Variants in DCHS2 observed in about 807,000 individuals in gnomAD.
DCHS2 encodes the protein protocadherin-23.
Under a neutral mutation model 182.4 loss-of-function variants are expected in DCHS2, and 142 were observed. The observed-to-expected ratio is 0.78, with a 90% CI of 0.68 to 0.89. DCHS2 has a LOEUF of 0.89. Ranked by LOEUF, DCHS2 falls within the 40% of genes least tolerant of loss-of-function variation. DCHS2 has a pLI of 0.00. For synonymous variants in DCHS2, 1,740 were observed against 1,663.3 expected, an observed-to-expected ratio of 1.05 and a Z score of -1.12; for missense variants, 4,319 against 4,198.6, an observed-to-expected ratio of 1.03 and a Z score of -0.79.
intron 13 of DCHS2, among the ~76,000 whole-genome samples, chr4:154,274,198 A>T (rs1479776571): frequency 6.6e-6 from 1 of 152,178 alleles, no homozygotes; most frequent in Non-Finnish European, 1.5e-5. Flanking sequence ...TTTCAAGAGA[A>T]GCTCAAAATT....
chr4:154,417,206 A>T (rs6536007), intron 1 of DCHS2, among the ~76,000 whole-genome samples: 654 of 47,466 alleles, frequency 0.014, 1 homozygote, highest in African/African-American at 0.051. Context: ...TGTGTGTGTG[A>T]GAGAGAGAGA....
chr4:154,411,490 G>A (rs556607247), intron 1 of DCHS2, among the ~76,000 whole-genome samples: 3 of 152,006 alleles, frequency 2.0e-5, no homozygotes, highest in African/African-American at 4.8e-5. Context: ...CCAGCTACTC[G>A]GGAGGCTGAG....
At chr4:154,321,954 G>T (rs902867369) in intron 8 of DCHS2, among the ~76,000 whole-genome samples, 1 of 152,038 alleles carries the variant, frequency 6.6e-6, no homozygotes, top group Admixed American at 6.6e-5. Flanking sequence ...AAAAATCTAT[G>T]TCATTTATTA....
chr4:154,486,314 T>C (rs1221264315), intron 1 of DCHS2: 4 of 1,087,700 alleles, frequency 3.7e-6, no homozygotes, highest in Middle Eastern at 2.4e-4. Context: ...GCCAGCACCA[T>C]AGTGCCAGCA....
At chr4:154,365,527 G>C (rs1400360846) in intron 3 of DCHS2, among the ~76,000 whole-genome samples, 1 of 151,900 alleles carries the variant, frequency 6.6e-6, no homozygotes, top group Non-Finnish European at 1.5e-5. Flanking sequence ...CTGGAGGACA[G>C]TGGCCTGATC....
At chr4:154,378,489 G>T (rs1731015730) in intron 1 of DCHS2, among the ~76,000 whole-genome samples, 1 of 126,920 alleles carries the variant, frequency 7.9e-6, no homozygotes, top group Non-Finnish European at 1.7e-5. Flanking sequence ...AGGAAGGAGG[G>T]AGGGAGGGTG....
At chr4:154,383,292 T>A (rs1731252866) in intron 1 of DCHS2, among the ~76,000 whole-genome samples, 1 of 151,960 alleles carries the variant, frequency 6.6e-6, no homozygotes, top group Non-Finnish European at 1.5e-5. Flanking sequence ...GGTATAAAGA[T>A]GGGGACAATA....
chr4:154,323,418 T>C, intron 7 of DCHS2: 3 of 1,509,640 alleles, frequency 2.0e-6, no homozygotes, highest in Non-Finnish European at 2.7e-6. Flanking sequence ...CAGCCTGGAG[T>C]TCAGGGTCGC....
intron 5 of DCHS2, among the ~76,000 whole-genome samples, chr4:154,331,987 A>G (rs77786356): frequency 0.036 from 5,474 of 152,302 alleles, 135 homozygotes; most frequent in Middle Eastern, 0.058. Context: ...GAAAAAGGAT[A>G]TATATTCTTA....
intron 1 of DCHS2, among the ~76,000 whole-genome samples, chr4:154,445,866 G>A (rs1734265804): frequency 6.6e-6 from 1 of 150,428 alleles, no homozygotes. Flanking sequence ...TTCTGGTCGA[G>A]CCACCAACAT....
intron 2 of DCHS2, 112 bp downstream of exon 2, chr4:154,377,141 G>T: frequency 2.0e-6 from 2 of 1,016,404 alleles, no homozygotes; most frequent in Non-Finnish European, 2.8e-6. Flanking sequence ...AAGAGGTAGT[G>T]ACACATGAAA....
At chr4:154,397,743 C>T (rs1057005097) in intron 1 of DCHS2, among the ~76,000 whole-genome samples, 4 of 152,184 alleles carry the variant, frequency 2.6e-5, no homozygotes, top group African/African-American at 7.2e-5. Context: ...AATGGCACTT[C>T]CTGAGACCCA....
At chr4:154,240,166 C>T (rs944731734) in intron 18 of DCHS2, among the ~76,000 whole-genome samples, 3 of 151,892 alleles carry the variant, frequency 2.0e-5, no homozygotes, top group African/African-American at 7.3e-5. Flanking sequence ...AAATTTTAAT[C>T]AATGCATTCC....
At position 154,231,838 on chromosome 4, in the gene DCHS2, A is replaced by ATAAT. The variant is rs1731218137; in HGVS notation, c.*2694_*2697dup. On this transcript the variant is annotated 3_prime_UTR_variant, in exon 20 of 20. Coordinates refer to ENST00000357232, the MANE Select transcript of DCHS2 (RefSeq NM_001358235.2). ...AGCCAGTAATGTAGAGTGCATTTTA[A>ATAAT]TAATTTTTAAAAGAGTTAAATGATC... is the stretch of plus-strand genomic sequence containing the variant. 5 of 152,258 alleles carry ATAAT rather than the reference A, an allele frequency of 3.3e-5. No homozygotes were observed. In the South Asian group the frequency reaches 1.0e-3, roughly 32 times the overall value. The allele number at this position is 152,258 out of a possible 1,614,324, so 9.4% of individuals were successfully genotyped here. A position where few individuals can be genotyped will look rare whatever the true frequency, so the allele number is the denominator to read the frequency against.
chr4:154,442,303 T>C (rs1300253550), intron 1 of DCHS2, among the ~76,000 whole-genome samples: 2 of 152,098 alleles, frequency 1.3e-5, no homozygotes, highest in Non-Finnish European at 2.9e-5. Flanking sequence ...CTCCACCTTG[T>C]TGACCTCAAT....
At chr4:154,353,309 C>T (rs867598540) in intron 3 of DCHS2, among the ~76,000 whole-genome samples, 1 of 151,744 alleles carries the variant, frequency 6.6e-6, no homozygotes, top group African/African-American at 2.4e-5. Flanking sequence ...AAAAAACACA[C>T]AAAAAATCAG....
chr4:154,235,357 C>A lies in DCHS2; in HGVS notation c.9295G>T (p.Gly3099Ter), dbSNP rs760910436. 3 of 1,613,946 alleles carry A rather than the reference C, an allele frequency of 1.9e-6. No homozygotes were observed. Among genetic ancestry groups the A allele is most frequent in the African/African-American group, 2.7e-5 (2 of 74,918 alleles). ...ATTTCCTTATCTTCTGCAGTTTCTC[C>A]TTCCACAGAACAGTGGCCACTGGAG... ...SNSSGHCSVEGETAEDKEIQR... is the reference protein window; with the variant it reads ...SNSSGHCSVE The change falls in exon 20 of 20, where the codon GGA (glycine) becomes TGA (stop). Residue 3099 changes from glycine to a stop codon, truncating the protein, a stop_gained. Coordinates refer to ENST00000357232, the MANE Select transcript of DCHS2 (RefSeq NM_001358235.2). LOFTEE classifies it low-confidence loss of function (END_TRUNC).
intron 1 of DCHS2, among the ~76,000 whole-genome samples, chr4:154,398,421 T>C (rs980375140): frequency 2.0e-5 from 3 of 152,172 alleles, no homozygotes; most frequent in Admixed American, 1.3e-4. Context: ...TTACTGTTAT[T>C]ATTCTTGTTC....
chr4:154,354,702 TTAA>T lies in DCHS2; in HGVS notation c.2476+11505_2476+11507del, dbSNP rs1355031601. 3 of 152,292 alleles carry T rather than the reference TTAA, an allele frequency of 2.0e-5. No homozygotes were observed. The East Asian group carries it at 5.8e-4, about 29-fold the overall frequency. The allele number at this position is 152,292 out of a possible 1,614,324, so 9.4% of individuals were successfully genotyped here. ...TATCTTCATATCATTCCTTAGTTCC[TTAA>T]TAATCAAATTTAAACTTGCCTGTCA... is the stretch of plus-strand genomic sequence containing the variant. On this transcript the variant is annotated intron_variant, in intron 3 of 19. Transcript: ENST00000357232.
Sources: gnomAD v4.1 joint callset for allele counts (sites outside exome capture counted in the v4.1 genomes callset) on GRCh38, gnomAD v4.1.1 for gene constraint, MANE v1.5 for transcripts, NCBI Gene and HGNC (gene_info 2026-07-23, HGNC 2026-07-21) for gene names.